Variants in MAMDC2 observed in about 807,000 individuals in gnomAD.
MAMDC2 encodes the protein MAM domain containing 2.
A neutral mutation model predicts 89.8 loss-of-function variants in MAMDC2; 57 were observed. The observed-to-expected ratio is 0.63, with a 90% CI of 0.51 to 0.79. The LOEUF (loss-of-function observed/expected upper bound fraction) is 0.79, where lower values mean the gene tolerates loss of function less well. MAMDC2 is among the 30% of genes least tolerant of loss of function. The pLI is 0.00. For missense variants in MAMDC2, 800 were observed against 820.6 expected (o/e 0.97, Z 0.31); for synonymous variants, 313 against 293.4 (o/e 1.07, Z -0.68).
At chr9:70,166,360 T>C (rs533083797) in intron 9 of MAMDC2, among the ~76,000 whole-genome samples, 13 of 151,144 alleles carry the variant, frequency 8.6e-5, no homozygotes, top group Admixed American at 4.6e-4. Context: ...CACACACACA[T>C]ATAAATATAG....
rs375109936 is a variant in MAMDC2 at position 70,215,093 on chromosome 9, G to A, written c.1652-3244G>A. Among the ~76,000 whole-genome samples, 29 of 152,272 alleles carry A rather than the reference G, an allele frequency of 1.9e-4. 2 individuals are homozygous for A. Among genetic ancestry groups the A allele is most frequent in the African/African-American group, 6.7e-4 (28 of 41,576 alleles). On this transcript the variant is annotated intron_variant, in intron 11 of 13. Coordinates refer to ENST00000377182, the MANE Select transcript of MAMDC2 (RefSeq NM_153267.5). ...AATAGCGAAGTAAAAACTGGACCTT[G>A]GGGCACTCCAGGGTCAAAAGGTCAG...
At chr9:70,130,334 T>C (rs191032033) in intron 6 of MAMDC2, among the ~76,000 whole-genome samples, 283 of 152,286 alleles carry the variant, frequency 1.9e-3, no homozygotes, top group Non-Finnish European at 3.3e-3. Flanking sequence ...TCTGTCTCTA[T>C]TTCACAAGAG....
intron 2 of MAMDC2, among the ~76,000 whole-genome samples, chr9:70,072,986 C>A (rs1827443483): frequency 6.6e-6 from 1 of 152,158 alleles, no homozygotes; most frequent in Non-Finnish European, 1.5e-5. Context: ...CAGGCATGTG[C>A]CACCACACCA....
Position 70,168,787 on chromosome 9 carries a change from C to G in MAMDC2, c.1490C>G (p.Ser497Ter). 6.2e-7 allele frequency: 1 copy of G among 1,613,338 alleles called. No homozygotes were observed. The highest frequency in any genetic ancestry group is 8.5e-7 in the Non-Finnish European group (1 of 1,179,336). The change falls in exon 10 of 14, where the codon TCA (serine) becomes TGA (stop). Residue 497 changes from serine to a stop codon, truncating the protein, a stop_gained. Transcript: ENST00000377182. LOFTEE classifies it high-confidence loss of function. ...ATTACAATACAATTGGGAAGCTGCT[C>G]ATCTTCAGGTAAGACGGCAATCATT... ...DDITIQLGSC[S>*]SSEKLPPPPG...
intron 12 of MAMDC2, among the ~76,000 whole-genome samples, chr9:70,224,119 C>T (rs920416582): frequency 8.5e-5 from 13 of 152,052 alleles, no homozygotes; most frequent in Non-Finnish European, 1.8e-4. Flanking sequence ...GTCCTTTTAT[C>T]TAGGTGTGTT....
At chr9:70,149,942 G>A (rs142227753) in intron 9 of MAMDC2, among the ~76,000 whole-genome samples, 8 of 152,300 alleles carry the variant, frequency 5.3e-5, no homozygotes, top group African/African-American at 1.9e-4. Flanking sequence ...TAGTGCCCCT[G>A]CCCAGGTCCC....
intron 2 of MAMDC2, among the ~76,000 whole-genome samples, chr9:70,095,110 G>A (rs561924578): frequency 2.6e-5 from 4 of 152,324 alleles, no homozygotes; most frequent in South Asian, 4.1e-4. Context: ...AAGCAATAAA[G>A]AGCCTGGCAC....
At chr9:70,225,855 T>C (rs1454428891) in intron 13 of MAMDC2, 21 bp downstream of exon 13, 3 of 1,568,816 alleles carry the variant, frequency 1.9e-6, no homozygotes, top group African/African-American at 1.4e-5. Context: ...TTCCCAATCA[T>C]ATAAGCTTGA....
At chr9:70,095,846 C>T (rs577566280) in intron 2 of MAMDC2, among the ~76,000 whole-genome samples, 1 of 152,186 alleles carries the variant, frequency 6.6e-6, no homozygotes, top group African/African-American at 2.4e-5. Flanking sequence ...GAAGTCCAGA[C>T]TGGTTAGAAG....
intron 11 of MAMDC2, among the ~76,000 whole-genome samples, chr9:70,195,404 T>C (rs2032957535): frequency 6.6e-6 from 1 of 152,238 alleles, no homozygotes; most frequent in Non-Finnish European, 1.5e-5. Flanking sequence ...AGCTCTATCC[T>C]GGCAGAAACA....
intron 9 of MAMDC2, among the ~76,000 whole-genome samples, chr9:70,156,335 C>T (rs1053768936): frequency 2.0e-5 from 3 of 152,066 alleles, no homozygotes; most frequent in South Asian, 2.1e-4. Context: ...GAAGTTCACT[C>T]GAATAGAAGA....
At chr9:70,066,800 A>C (rs1827276386) in intron 2 of MAMDC2, among the ~76,000 whole-genome samples, 1 of 152,196 alleles carries the variant, frequency 6.6e-6, no homozygotes, top group Admixed American at 6.5e-5. Context: ...CACAGTAGAG[A>C]TAAGTGGGAA....
At chr9:70,221,380 T>G (rs12376336) in intron 12 of MAMDC2, among the ~76,000 whole-genome samples, 433 of 7,074 alleles carry the variant, frequency 0.061, 74 homozygotes, top group African/African-American at 0.16. Context: ...TATATATATA[T>G]AGAGAGAGAG....
intron 2 of MAMDC2, among the ~76,000 whole-genome samples, chr9:70,093,144 TTTC>T (rs569198942): frequency 5.9e-4 from 90 of 152,286 alleles, no homozygotes; most frequent in African/African-American, 2.1e-3. Flanking sequence ...GAACTCCTAT[TTTC>T]TTCTTGCTTA....
intron 7 of MAMDC2, among the ~76,000 whole-genome samples, chr9:70,135,900 C>A (rs1047984909): frequency 2.0e-5 from 3 of 152,162 alleles, no homozygotes; most frequent in African/African-American, 7.2e-5. Flanking sequence ...CCTGTAATCC[C>A]AGCACTTTGG....
chr9:70,117,877 C>T (rs2030081932), intron 5 of MAMDC2, among the ~76,000 whole-genome samples: 2 of 152,132 alleles, frequency 1.3e-5, no homozygotes, highest in Admixed American at 6.5e-5. Flanking sequence ...TATCTGAATA[C>T]CAAAATGCTA....
chr9:70,221,380 T>TATATATAG lies in MAMDC2; in HGVS notation c.1911+2785_1911+2786insTATATAGA. ...AAATATATATATATATATATATATA[T>TATATATAG]AGAGAGAGAGAGAGAGAGAGAGAGA... On this transcript the variant is annotated intron_variant, in intron 12 of 13. Transcript: ENST00000377182. Among the ~76,000 whole-genome samples, 16 of 7,042 alleles carry TATATATAG rather than the reference T, an allele frequency of 2.3e-3. 2 individuals are homozygous for TATATATAG. The highest frequency in any genetic ancestry group is 2.9e-3 in the Non-Finnish European group (11 of 3,838). The allele number at this position is 7,042 out of a possible 152,430, so 4.6% of individuals were successfully genotyped here.
At chr9:70,186,508 G>T (rs2032757617) in intron 11 of MAMDC2, among the ~76,000 whole-genome samples, 1 of 152,178 alleles carries the variant, frequency 6.6e-6, no homozygotes, top group Non-Finnish European at 1.5e-5. Flanking sequence ...TATCTATTGA[G>T]AAGTCAGATG....
At chr9:70,190,154 T>G (rs1035480543) in intron 11 of MAMDC2, among the ~76,000 whole-genome samples, 2 of 152,198 alleles carry the variant, frequency 1.3e-5, no homozygotes, top group Admixed American at 1.3e-4. Flanking sequence ...TATTTCTTTG[T>G]GTGTCTCATA....
Sources: gnomAD v4.1 joint callset for allele counts (sites outside exome capture counted in the v4.1 genomes callset) on GRCh38, gnomAD v4.1.1 for gene constraint, MANE v1.5 for transcripts, NCBI Gene and HGNC (gene_info 2026-07-23, HGNC 2026-07-21) for gene names.